ZBTB7C: variants seen among roughly 807,000 people sequenced by gnomAD.
ZBTB7C encodes the protein zinc finger and BTB domain containing 7C, also known as zinc finger and BTB domain-containing protein 7C.
In ZBTB7C, 8 loss-of-function variants were observed where a neutral mutation model predicts 25.7. That is an observed-to-expected ratio of 0.31 (90% CI 0.18 to 0.56). The LOEUF (loss-of-function observed/expected upper bound fraction) is 0.56. Ranked by LOEUF, ZBTB7C falls within the 20% of genes least tolerant of loss-of-function variation. The pLI, the probability that ZBTB7C is intolerant of heterozygous loss-of-function variation, is 0.91. For missense variants in ZBTB7C, 824 were observed against 855.2 expected (o/e 0.96, Z 0.46); for synonymous variants, 394 against 369.0 (o/e 1.07, Z -0.78).
intron 2 of ZBTB7C, among the ~76,000 whole-genome samples, chr18:48,209,441 CAAT>C (rs1568304250): frequency 6.6e-6 from 1 of 152,100 alleles, no homozygotes; most frequent in Non-Finnish European, 1.5e-5. Flanking sequence ...TACCAAAAGT[CAAT>C]AATAAAATTT....
At chr18:48,111,220 CT>C (rs1330449334) in intron 3 of ZBTB7C, among the ~76,000 whole-genome samples, 4 of 152,078 alleles carry the variant, frequency 2.6e-5, no homozygotes, top group Non-Finnish European at 4.4e-5. Flanking sequence ...CTCAGCTCCT[CT>C]TATGGACCCT....
At position 48,029,448 on chromosome 18, in the gene ZBTB7C, G is replaced by C. The variant is rs760797906; in HGVS notation, c.1672C>G (p.Leu558Val). Residue 558 changes from leucine (L) to valine (V), a missense_variant, in exon 5 of 5, where the codon CTG becomes GTG. This residue lies in a region of ZBTB7C where 342 missense variants were observed against 307.0 expected (regional missense o/e 1.11). Transcript: ENST00000590800. ...GCCTCCAGCTGCGCGCGCCCGAACA[G>C]CTTCATCTGTGTCTCCTCGAACTGC... ...ERQFEETQMK[L>V]FGRAQLEAER... The C allele has an allele frequency of 1.4e-5, 23 of 1,596,900 alleles. No individual in the cohort carries two copies. Among genetic ancestry groups the C allele is most frequent in the Non-Finnish European group, 5.1e-6 (6 of 1,175,014 alleles).
intron 3 of ZBTB7C, among the ~76,000 whole-genome samples, chr18:48,154,384 C>A (rs1255440950): frequency 6.6e-6 from 1 of 152,184 alleles, no homozygotes; most frequent in Non-Finnish European, 1.5e-5. Context: ...TGTTCTCTGG[C>A]ACAGGACAAG....
chr18:48,046,266 T>C (rs1277652798), intron 3 of ZBTB7C, among the ~76,000 whole-genome samples: 1 of 152,264 alleles, frequency 6.6e-6, no homozygotes, highest in East Asian at 1.9e-4. Context: ...CAGATGGCAG[T>C]TAAATGTCTC....
At chr18:48,056,659 A>G (rs2036925238) in intron 3 of ZBTB7C, among the ~76,000 whole-genome samples, 2 of 152,202 alleles carry the variant, frequency 1.3e-5, no homozygotes, top group South Asian at 2.1e-4. Flanking sequence ...AATTAATGAG[A>G]TTAGAACAAC....
chr18:48,115,964 T>A (rs934451417), intron 3 of ZBTB7C, among the ~76,000 whole-genome samples: 1 of 152,150 alleles, frequency 6.6e-6, no homozygotes, highest in African/African-American at 2.4e-5. Context: ...TTAGCACTTT[T>A]GGTTCTATTT....
chr18:48,231,304 C>G (rs1245897296), intron 2 of ZBTB7C, among the ~76,000 whole-genome samples: 4 of 152,154 alleles, frequency 2.6e-5, no homozygotes, highest in Non-Finnish European at 5.9e-5. Context: ...ATAGACCAAT[C>G]AGAGTGCACT....
At chr18:48,231,238 C>T (rs2043244161) in intron 2 of ZBTB7C, among the ~76,000 whole-genome samples, 1 of 152,184 alleles carries the variant, frequency 6.6e-6, no homozygotes, top group South Asian at 2.1e-4. Context: ...GCTGCCATTT[C>T]CACAGACCAG....
chr18:48,410,547 G>A (rs1360864686), upstream of ZBTB7C: 1 of 152,498 alleles, frequency 6.6e-6, no homozygotes, highest in Non-Finnish European at 1.5e-5. Context: ...AAGCCACGAA[G>A]GGCCAGTGCG....
At chr18:48,240,357 T>C (rs149126846) in intron 2 of ZBTB7C, among the ~76,000 whole-genome samples, 1 of 152,278 alleles carries the variant, frequency 6.6e-6, no homozygotes, top group African/African-American at 2.4e-5. Flanking sequence ...ACCCAGGCAA[T>C]TCATCACAAA....
At chr18:48,290,183 T>G (rs545960604) in intron 2 of ZBTB7C, among the ~76,000 whole-genome samples, 31 of 152,358 alleles carry the variant, frequency 2.0e-4, no homozygotes, top group Middle Eastern at 3.4e-3. Flanking sequence ...GGAAGGAGAC[T>G]TAAAGCACCC....
At chr18:48,385,581 A>G (rs532196022) in intron 1 of ZBTB7C, among the ~76,000 whole-genome samples, 2 of 152,274 alleles carry the variant, frequency 1.3e-5, no homozygotes, top group Non-Finnish European at 2.9e-5. Context: ...AAGTGGGCAA[A>G]CATGCCCTGC....
chr18:48,293,616 C>T (rs986851908), intron 2 of ZBTB7C, among the ~76,000 whole-genome samples: 1 of 152,008 alleles, frequency 6.6e-6, no homozygotes, highest in Non-Finnish European at 1.5e-5. Flanking sequence ...AAAAGCAGTC[C>T]AAAGACTGAA....
chr18:48,095,214 C>T (rs1174911502), intron 3 of ZBTB7C, among the ~76,000 whole-genome samples: 1 of 152,142 alleles, frequency 6.6e-6, no homozygotes, highest in Non-Finnish European at 1.5e-5. Flanking sequence ...ATTCTCATGG[C>T]CACTTTGAGG....
At position 48,323,129 on chromosome 18, in the gene ZBTB7C, C is replaced by CTCACA. The variant is rs577798260; in HGVS notation, c.-79+15044_-79+15045insTGTGA. On this transcript the variant is annotated intron_variant, in intron 2 of 4. Coordinates refer to ENST00000590800, the MANE Select transcript of ZBTB7C (RefSeq NM_001318841.2). ...TCGAGTGCACCAACATCTCACAAAT[C>CTCACA]ACCACTAAGGAACATACTTATTTAA... Among the ~76,000 whole-genome samples, 30 of 152,266 alleles carry CTCACA rather than the reference C, an allele frequency of 2.0e-4. No homozygotes were observed. In the South Asian group the frequency reaches 6.2e-3, roughly 32 times the overall value.
At chr18:48,347,066 A>G (rs1431755646) in intron 1 of ZBTB7C, among the ~76,000 whole-genome samples, 4 of 150,154 alleles carry the variant, frequency 2.7e-5, no homozygotes, top group Non-Finnish European at 5.9e-5. Flanking sequence ...TACAGGCATG[A>G]GCCACCACGC....
At chr18:48,251,288 A>G (rs760604392) in intron 2 of ZBTB7C, among the ~76,000 whole-genome samples, 6 of 152,226 alleles carry the variant, frequency 3.9e-5, no homozygotes, top group Non-Finnish European at 7.3e-5. Flanking sequence ...CAAGTCTATT[A>G]TAGCATATAA....
chr18:48,211,078 G>A (rs1599110165), intron 2 of ZBTB7C, among the ~76,000 whole-genome samples: 1 of 152,290 alleles, frequency 6.6e-6, no homozygotes, highest in Middle Eastern at 3.4e-3. Context: ...AGCAAAGCCA[G>A]TGAATGGAGC....
At chr18:48,366,090 C>T (rs906735785) in intron 1 of ZBTB7C, among the ~76,000 whole-genome samples, 3 of 152,200 alleles carry the variant, frequency 2.0e-5, no homozygotes, top group African/African-American at 7.2e-5. Flanking sequence ...TGTACCTTCC[C>T]TTATAGATGG....
Sources: allele counts gnomAD v4.1 joint callset (sites outside exome capture counted in the v4.1 genomes callset), GRCh38; gene constraint gnomAD v4.1.1; regional missense constraint gnomAD v4.1.1; transcripts MANE v1.5; gene names NCBI Gene and HGNC (gene_info 2026-07-23, HGNC 2026-07-21).